DNAJC21: variants seen among roughly 807,000 people sequenced by gnomAD.
The protein encoded by DNAJC21 is DnaJ heat shock protein family (Hsp40) member C21.
In DNAJC21, 63 loss-of-function variants were observed where a neutral mutation model predicts 72.4. That is an observed-to-expected ratio of 0.87 (90% CI 0.71 to 1.07). The LOEUF is 1.07. DNAJC21 is among the 50% of genes least tolerant of loss of function. The pLI is 0.00. For missense variants in DNAJC21, 634 were observed against 644.8 expected (o/e 0.98, Z 0.18); for synonymous variants, 203 against 216.7 (o/e 0.94, Z 0.56).
At chr5:34,945,594 T>C in intron 8 of DNAJC21, 167 bp from the exon 9 acceptor site, 1 of 577,836 alleles carries the variant, frequency 1.7e-6, no homozygotes, top group Non-Finnish European at 2.9e-6. Flanking sequence ...TTCTCTAAAA[T>C]GACAATGTGA....
chr5:34,940,988 T>C, intron 6 of DNAJC21, 108 bp from the exon 7 acceptor site: 1 of 732,900 alleles, frequency 1.4e-6, no homozygotes, highest in Non-Finnish European at 2.2e-6. Context: ...CTTAGGATTA[T>C]TTTTTTTTAG....
Position 34,956,065 on chromosome 5 carries a change from A to AG in DNAJC21, c.*1351_*1352insG, listed in dbSNP as rs1765527578. ...GAGACTCCGTCTCAAAAAAAAAAAAAAAAAAAAAAAGAAAGTAATTTTAAA... is the reference window on the plus strand; with the variant it reads ...GAGACTCCGTCTCAAAAAAAAAAAAAGAAAAAAAAAAGAAAGTAATTTTAAA... On this transcript the variant is annotated 3_prime_UTR_variant, in exon 12 of 12. Transcript: ENST00000648817. 1 of 151,736 alleles carries AG rather than the reference A, an allele frequency of 6.6e-6. No homozygotes were observed. The highest frequency in any genetic ancestry group is 2.4e-5 in the African/African-American group (1 of 41,230). The allele number at this position is 151,736 out of a possible 1,614,324, so 9.4% of individuals were successfully genotyped here. A position where few individuals can be genotyped will look rare whatever the true frequency, so the allele number is the denominator to read the frequency against.
intron 2 of DNAJC21, among the ~76,000 whole-genome samples, 192 bp downstream of exon 2, chr5:34,934,100 G>A (rs1231065940): frequency 6.6e-6 from 1 of 151,780 alleles, no homozygotes; most frequent in East Asian, 1.9e-4. Flanking sequence ...CCAATTATCT[G>A]ATATCATAGG....
intron 7 of DNAJC21, among the ~76,000 whole-genome samples, chr5:34,943,595 A>G (rs1180838097): frequency 1.3e-5 from 2 of 152,232 alleles, no homozygotes; most frequent in African/African-American, 4.8e-5. Context: ...GTGAGGAGAC[A>G]CTTTAAAACT....
intron 1 of DNAJC21, among the ~76,000 whole-genome samples, chr5:34,931,710 A>C (rs1051317088): frequency 6.6e-6 from 1 of 152,120 alleles, no homozygotes; most frequent in African/African-American, 2.4e-5. Flanking sequence ...AACTTAGTGG[A>C]TTGAAGAGGG....
rs1351438771 is a variant in DNAJC21 at position 34,929,625 on chromosome 5, C to CCGCCACCGCGCGCCTTCACTGACCTA, written c.-193_-168dup. ...CGCTTGCCGCAGCCTGCGTCGTCTGCCGCCACCGCGCGCCTTCACTGACCT... is the reference window on the plus strand; with the variant it reads ...CGCTTGCCGCAGCCTGCGTCGTCTGCCGCCACCGCGCGCCTTCACTGACCTACGCCACCGCGCGCCTTCACTGACCT... On this transcript the variant is annotated 5_prime_UTR_variant, in exon 1 of 12. Transcript: ENST00000648817. 2 of 155,182 alleles carry CCGCCACCGCGCGCCTTCACTGACCTA rather than the reference C, an allele frequency of 1.3e-5. No individual in the cohort carries two copies. The highest frequency in any genetic ancestry group is 3.9e-4 in the East Asian group (2 of 5,184). 9.6% of individuals were successfully genotyped at this position (155,182 alleles called of 1,614,324 possible).
At chr5:34,939,390 C>T (rs1442547221) in intron 6 of DNAJC21, among the ~76,000 whole-genome samples, 3 of 152,090 alleles carry the variant, frequency 2.0e-5, no homozygotes, top group Admixed American at 6.5e-5. Context: ...CTCAGCCTCC[C>T]GAGTAGCTGG....
chr5:34,941,008 TA>T, intron 6 of DNAJC21, 87 bp from the exon 7 acceptor site: 3 of 1,121,766 alleles, frequency 2.7e-6, no homozygotes, highest in Non-Finnish European at 2.6e-6. Context: ...GGTAAAGAAA[TA>T]AAAAAATTTA....
At chr5:34,953,853 A>C in intron 10 of DNAJC21, 73 bp from the exon 11 acceptor site, 1 of 1,152,522 alleles carries the variant, frequency 8.7e-7, no homozygotes, top group Non-Finnish European at 1.2e-6. Flanking sequence ...TGAGTGTTCT[A>C]GAGAGCACTC....
chr5:34,944,763 G>T, intron 7 of DNAJC21, 104 bp from the exon 8 acceptor site: 1 of 1,486,090 alleles, frequency 6.7e-7, no homozygotes. Flanking sequence ...GTTTTGCTTA[G>T]TGGGAAAAAA....
At chr5:34,943,000 G>A (rs1246871837) in intron 7 of DNAJC21, among the ~76,000 whole-genome samples, 6 of 152,064 alleles carry the variant, frequency 3.9e-5, no homozygotes, top group East Asian at 1.9e-4. Context: ...CTCAGGAGGC[G>A]GAGGTTGTGG....
intron 2 of DNAJC21, 146 bp from the exon 3 acceptor site, chr5:34,935,564 G>A (rs1764739879): frequency 3.6e-6 from 3 of 834,338 alleles, no homozygotes; most frequent in Non-Finnish European, 5.5e-6. Flanking sequence ...CTCTTTTCAT[G>A]TTAATATTTC....
chr5:34,955,304 T>G lies in DNAJC21; in HGVS notation c.*590T>G, dbSNP rs996414263. On this transcript the variant is annotated 3_prime_UTR_variant, in exon 12 of 12. Transcript: ENST00000648817. Reference sequence around the variant, plus strand: ...GAATAGTGTCTCTTCAAGGTTTTACTTGATTTAATTTGATATTTTACTGGT... The same window carrying G: ...GAATAGTGTCTCTTCAAGGTTTTACGTGATTTAATTTGATATTTTACTGGT... 2 of 152,206 alleles carry G rather than the reference T, an allele frequency of 1.3e-5. No individual in the cohort carries two copies. Among genetic ancestry groups the G allele is most frequent in the African/African-American group, 4.8e-5 (2 of 41,448 alleles). 9.4% of individuals were successfully genotyped at this position (152,206 alleles called of 1,614,324 possible).
At chr5:34,938,790 C>G in intron 5 of DNAJC21, 68 bp from the exon 6 acceptor site, 1 of 1,448,770 alleles carries the variant, frequency 6.9e-7, no homozygotes, top group Non-Finnish European at 9.1e-7. Flanking sequence ...GGATTTTAAA[C>G]CTAAGTAGTA....
chr5:34,931,733 G>A (rs1764602073), intron 1 of DNAJC21, among the ~76,000 whole-genome samples: 1 of 152,142 alleles, frequency 6.6e-6, no homozygotes, highest in African/African-American at 2.4e-5. Context: ...GGAGACAGAA[G>A]TTAGGGAGAG....
chr5:34,929,920 A>G lies in DNAJC21; in HGVS notation c.97+4A>G, dbSNP rs559350367. 27 of 1,572,656 alleles carry G rather than the reference A, an allele frequency of 1.7e-5. No homozygotes were observed. In the Admixed American group the frequency reaches 4.2e-4, roughly 25 times the overall value. On this transcript the variant is annotated splice_donor_region_variant and intron_variant, in intron 1 of 11. Coordinates refer to ENST00000648817, the MANE Select transcript of DNAJC21 (RefSeq NM_001012339.3). The stretch of plus-strand genomic sequence containing the variant: ...CTGGCCCTGAAATGGCACCCGGGTA[A>G]GTACCTGTCCCGCAGCCCCCGCGGC...
chr5:34,955,398 T>G lies in DNAJC21; in HGVS notation c.*684T>G, dbSNP rs1765504086. On this transcript the variant is annotated 3_prime_UTR_variant, in exon 12 of 12. Coordinates refer to ENST00000648817, the MANE Select transcript of DNAJC21 (RefSeq NM_001012339.3). Reference sequence around the variant, plus strand: ...TTGTGGAGGTGGAAGCAAATTAGTTTACATGGCATGTCCTCCCTAGGCACA... The same window carrying G: ...TTGTGGAGGTGGAAGCAAATTAGTTGACATGGCATGTCCTCCCTAGGCACA... 6.6e-6 allele frequency: 1 copy of G among 152,264 alleles called. No individual in the cohort carries two copies. Among genetic ancestry groups the G allele is most frequent in the Admixed American group, 6.5e-5 (1 of 15,290 alleles). 9.4% of individuals were successfully genotyped at this position (152,264 alleles called of 1,614,324 possible). A position where few individuals can be genotyped will look rare whatever the true frequency, so the allele number is the denominator to read the frequency against.
At chr5:34,946,963 A>G (rs989276663) in intron 9 of DNAJC21, among the ~76,000 whole-genome samples, 10 of 152,154 alleles carry the variant, frequency 6.6e-5, no homozygotes, top group African/African-American at 2.4e-4. Context: ...CTCGTTTATG[A>G]TTCCTGATTG....
chr5:34,951,165 TG>T (rs2112098064), intron 10 of DNAJC21: 1 of 985,424 alleles, frequency 1.0e-6, no homozygotes, highest in African/African-American at 1.7e-5. Flanking sequence ...AGTATGACTC[TG>T]GCTATAGAAA....
Sources: allele counts gnomAD v4.1 joint callset (sites outside exome capture counted in the v4.1 genomes callset), GRCh38; gene constraint gnomAD v4.1.1; transcripts MANE v1.5; gene names NCBI Gene and HGNC (gene_info 2026-07-23, HGNC 2026-07-21).